Variants in PPFIA2 observed in about 807,000 individuals in gnomAD.
The protein encoded by PPFIA2 is PPFI scaffold protein A2.
In PPFIA2, 46 loss-of-function variants were observed where a neutral mutation model predicts 175.5. That is an observed-to-expected ratio of 0.26 (90% CI 0.21 to 0.34). The LOEUF is 0.34. Among genes scored for constraint, PPFIA2 ranks in the 10% least tolerant of loss-of-function variants. PPFIA2 has a pLI of 1.00. For missense variants in PPFIA2, 1,179 were observed against 1,506.1 expected (o/e 0.78, Z 3.60); for synonymous variants, 568 against 511.4 (o/e 1.11, Z -1.49).
At chr12:81,290,787 C>T (rs118162392) in intron 24 of PPFIA2, among the ~76,000 whole-genome samples, 6,556 of 151,780 alleles carry the variant, frequency 0.043, 204 homozygotes, top group Middle Eastern at 0.13. Flanking sequence ...AATATGCATT[C>T]CGTATACACA....
At chr12:81,744,784 ACTT>A (rs762709418) in intron 3 of PPFIA2, among the ~76,000 whole-genome samples, 21 of 152,138 alleles carry the variant, frequency 1.4e-4, no homozygotes, top group Non-Finnish European at 2.4e-4. Flanking sequence ...GGACTTTAAT[ACTT>A]CTTTTAATCT....
intron 9 of PPFIA2, among the ~76,000 whole-genome samples, chr12:81,379,407 G>C (rs1414157291): frequency 6.6e-6 from 1 of 151,972 alleles, no homozygotes; most frequent in Non-Finnish European, 1.5e-5. Context: ...TAACAGAAAA[G>C]GCAACACTGA....
chr12:81,673,185 A>G (rs1949095902), intron 4 of PPFIA2, among the ~76,000 whole-genome samples: 1 of 152,030 alleles, frequency 6.6e-6, no homozygotes, highest in African/African-American at 2.4e-5. Context: ...TGGGTTCAAC[A>G]CAAGAAGGGA....
intron 4 of PPFIA2, among the ~76,000 whole-genome samples, chr12:81,508,426 C>A (rs2061412831): frequency 6.9e-6 from 1 of 144,068 alleles, no homozygotes; most frequent in Non-Finnish European, 1.5e-5. Context: ...GAGGCTGAGG[C>A]AGGAGAATCA....
intron 24 of PPFIA2, among the ~76,000 whole-genome samples, chr12:81,288,928 A>C (rs1299892659): frequency 6.6e-6 from 1 of 151,810 alleles, no homozygotes; most frequent in African/African-American, 2.4e-5. Context: ...GTAATAATGA[A>C]AAGAGGAATC....
At chr12:81,707,269 T>A (rs1404429935) in intron 3 of PPFIA2, among the ~76,000 whole-genome samples, 8 of 151,604 alleles carry the variant, frequency 5.3e-5, no homozygotes, top group Non-Finnish European at 4.4e-5. Context: ...CACAACCTAC[T>A]CATCTGACAA....
intron 3 of PPFIA2, among the ~76,000 whole-genome samples, chr12:81,743,268 T>A (rs2082553625): frequency 6.7e-6 from 1 of 149,416 alleles, no homozygotes; most frequent in African/African-American, 2.5e-5. Flanking sequence ...AATGCAAAAA[T>A]TAGCTGGGCA....
intron 3 of PPFIA2, among the ~76,000 whole-genome samples, chr12:81,714,319 T>C (rs1349298881): frequency 6.6e-6 from 1 of 151,002 alleles, no homozygotes; most frequent in Non-Finnish European, 1.5e-5. Flanking sequence ...AAATCTAGGA[T>C]GACTTCGAAA....
At chr12:81,562,414 G>A (rs1208630376) in intron 4 of PPFIA2, among the ~76,000 whole-genome samples, 2 of 152,134 alleles carry the variant, frequency 1.3e-5, no homozygotes, top group African/African-American at 4.8e-5. Flanking sequence ...ACTGCCAAGT[G>A]TTTATTTTTA....
At chr12:81,647,678 G>C (rs943494113) in intron 4 of PPFIA2, among the ~76,000 whole-genome samples, 17 of 150,374 alleles carry the variant, frequency 1.1e-4, no homozygotes, top group African/African-American at 4.2e-4. Flanking sequence ...GGAGAATGGC[G>C]TGAACCGGGG....
intron 14 of PPFIA2, among the ~76,000 whole-genome samples, chr12:81,363,930 T>G (rs926837766): frequency 6.6e-6 from 1 of 151,914 alleles, no homozygotes; most frequent in Admixed American, 6.6e-5. Context: ...GTCAGGCACC[T>G]GAGATACAGT....
At chr12:81,746,823 G>C (rs1243389111) in intron 3 of PPFIA2, among the ~76,000 whole-genome samples, 1 of 143,150 alleles carries the variant, frequency 7.0e-6, no homozygotes, top group Non-Finnish European at 1.6e-5. Flanking sequence ...TATGGGTATG[G>C]GTAAGTGTGT....
intron 4 of PPFIA2, chr12:81,597,872 C>T (rs1267516147): frequency 2.9e-6 from 4 of 1,378,254 alleles, no homozygotes; most frequent in Non-Finnish European, 3.0e-6. Context: ...TTAAGTCTTT[C>T]TTCCTTTATA....
chr12:81,576,668 G>A (rs2073611955), intron 4 of PPFIA2, among the ~76,000 whole-genome samples: 1 of 151,748 alleles, frequency 6.6e-6, no homozygotes, highest in African/African-American at 2.4e-5. Flanking sequence ...CTATATAAAT[G>A]TCTTTAGAAT....
At chr12:81,386,339 A>G (rs916544990) in intron 8 of PPFIA2, among the ~76,000 whole-genome samples, 1 of 151,406 alleles carries the variant, frequency 6.6e-6, no homozygotes, top group African/African-American at 2.4e-5. Context: ...AAAAGAAAGT[A>G]TGGGCTGTAT....
At chr12:81,634,465 G>A (rs2153503876) in intron 4 of PPFIA2, among the ~76,000 whole-genome samples, 1 of 152,118 alleles carries the variant, frequency 6.6e-6, no homozygotes, top group South Asian at 2.1e-4. Flanking sequence ...CAATCCAGCT[G>A]TAACTTTGCT....
At chr12:81,555,367 A>G (rs913104216) in intron 4 of PPFIA2, among the ~76,000 whole-genome samples, 2 of 151,998 alleles carry the variant, frequency 1.3e-5, no homozygotes, top group Non-Finnish European at 2.9e-5. Context: ...ATATAGCATA[A>G]GATATAATAA....
intron 4 of PPFIA2, among the ~76,000 whole-genome samples, chr12:81,656,552 A>G (rs1043955504): frequency 5.3e-5 from 8 of 152,162 alleles, no homozygotes; most frequent in African/African-American, 1.9e-4. Flanking sequence ...AGTTGTCAAT[A>G]GAAGAAAAAT....
chr12:81,291,663 A>T (rs2045045840), intron 24 of PPFIA2, among the ~76,000 whole-genome samples: 1 of 152,030 alleles, frequency 6.6e-6, no homozygotes, highest in African/African-American at 2.4e-5. Flanking sequence ...GAAAAGAAGA[A>T]CTGTAAAATG....
Sources: gnomAD v4.1 joint callset for allele counts (sites outside exome capture counted in the v4.1 genomes callset) on GRCh38, gnomAD v4.1.1 for gene constraint, MANE v1.5 for transcripts, NCBI Gene and HGNC (gene_info 2026-07-23, HGNC 2026-07-21) for gene names.